The following TMEM244 variants were observed in gnomAD, a reference collection of about 807,000 sequenced individuals.
TMEM244 encodes transmembrane protein 244, also known as putative transmembrane protein 244.
TMEM244 carries 13 observed loss-of-function variants against 15.8 expected under a neutral mutation model. The ratio of observed to expected loss-of-function variants is 0.82; its 90% CI spans 0.53 to 1.30. TMEM244 has a LOEUF of 1.30. Ranked by LOEUF, TMEM244 falls within the 50% of genes most tolerant of loss-of-function variation. The pLI is 0.00. For synonymous variants in TMEM244, 45 were observed against 48.7 expected (o/e 0.92, Z 0.32); for missense variants, 161 against 144.9 (o/e 1.11, Z -0.57).
At chr6:129,838,636 A>T (rs1390691148) in intron 3 of TMEM244, among the ~76,000 whole-genome samples, 1 of 152,206 alleles carries the variant, frequency 6.6e-6, no homozygotes, top group Non-Finnish European at 1.5e-5. Context: ...AAATCAGTGA[A>T]TCCAGGAGCT....
intron 1 of TMEM244, among the ~76,000 whole-genome samples, chr6:129,851,002 T>G (rs538027106): frequency 6.6e-6 from 1 of 152,280 alleles, no homozygotes; most frequent in East Asian, 1.9e-4. Flanking sequence ...TGACCATCAC[T>G]GTACTCATAT....
At chr6:129,831,993 T>C (rs971611647) in intron 4 of TMEM244, among the ~76,000 whole-genome samples, 2 of 152,032 alleles carry the variant, frequency 1.3e-5, no homozygotes, top group East Asian at 3.9e-4. Flanking sequence ...TGGAAACTGA[T>C]ACTAGGTGAT....
chr6:129,861,043 C>T lies in TMEM244; in HGVS notation c.33+113G>A, dbSNP rs1776801310. The T allele has an allele frequency of 1.0e-5, 12 of 1,192,714 alleles. No individual in the cohort carries two copies. In the East Asian group the frequency reaches 2.8e-4, roughly 28 times the overall value. 73.9% of individuals were successfully genotyped at this position (1,192,714 alleles called of 1,614,324 possible). ...AGAATGTTTTCTGTATGGTACCCAGCCAAAAGTGAAACAAGTTGCCCACTG... is the reference window on the plus strand; with the variant it reads ...AGAATGTTTTCTGTATGGTACCCAGTCAAAAGTGAAACAAGTTGCCCACTG... On this transcript the variant is annotated intron_variant, in intron 1 of 4. Coordinates refer to ENST00000368143, the MANE Select transcript of TMEM244 (RefSeq NM_001010876.2).
chr6:129,851,562 G>A (rs1415354570), intron 1 of TMEM244, among the ~76,000 whole-genome samples: 3 of 152,138 alleles, frequency 2.0e-5, no homozygotes, highest in Non-Finnish European at 2.9e-5. Context: ...GAGTCACTGC[G>A]CCTGGCCTGA....
At chr6:129,860,967 G>T (rs1039997384) in intron 1 of TMEM244, among the ~76,000 whole-genome samples, 189 bp downstream of exon 1, 9 of 152,122 alleles carry the variant, frequency 5.9e-5, no homozygotes. Context: ...CCTTTCTTGG[G>T]CATGGGTGCC....
At chr6:129,835,862 G>GC (rs34040220) in intron 3 of TMEM244, among the ~76,000 whole-genome samples, 56,072 of 152,010 alleles carry the variant, frequency 0.37, 10,790 homozygotes, top group South Asian at 0.5. Flanking sequence ...ATGGGCGTCT[G>GC]CATTGCTGAG....
At chr6:129,857,598 G>T (rs1776732213) in intron 1 of TMEM244, among the ~76,000 whole-genome samples, 1 of 152,008 alleles carries the variant, frequency 6.6e-6, no homozygotes, top group Non-Finnish European at 1.5e-5. Flanking sequence ...GACCTCAGGT[G>T]ATCCACCCGC....
intron 3 of TMEM244, among the ~76,000 whole-genome samples, chr6:129,840,519 G>C (rs961193389): frequency 1.3e-5 from 2 of 152,136 alleles, no homozygotes; most frequent in African/African-American, 4.8e-5. Flanking sequence ...ATAGTCATGG[G>C]CAAAGACTTC....
chr6:129,852,259 A>G (rs1411528535), intron 1 of TMEM244, among the ~76,000 whole-genome samples: 2 of 152,112 alleles, frequency 1.3e-5, no homozygotes, highest in Non-Finnish European at 2.9e-5. Flanking sequence ...TCAACCGGTG[A>G]GCATCTTCAC....
At chr6:129,861,133 G>A (rs1213854849) in intron 1 of TMEM244, 23 bp downstream of exon 1, 4 of 1,613,366 alleles carry the variant, frequency 2.5e-6, no homozygotes, top group African/African-American at 1.3e-5. Flanking sequence ...GAAAGGCAAT[G>A]CAAAGAAGTA....
At position 129,831,866 on chromosome 6, in the gene TMEM244, G is replaced by A. The variant is rs116074142; in HGVS notation, c.320-480C>T. 2.1e-3 allele frequency among the ~76,000 whole-genome samples: 324 copies of A among 152,254 alleles called. 1 individual carries two copies. Among genetic ancestry groups the A allele is most frequent in the African/African-American group, 7.5e-3 (312 of 41,544 alleles). The stretch of plus-strand genomic sequence containing the variant: ...ACTCCAAGCCCTTTTGCAAATATCA[G>A]TGGCTGTCTTGCAGAAAAAATTAAG... On this transcript the variant is annotated intron_variant, in intron 4 of 4. Transcript: ENST00000368143.
At chr6:129,851,541 A>G (rs1042933267) in intron 1 of TMEM244, among the ~76,000 whole-genome samples, 26 of 152,158 alleles carry the variant, frequency 1.7e-4, no homozygotes, top group Non-Finnish European at 5.9e-5. Flanking sequence ...AAGTGCTGGG[A>G]TTACAGTCAT....
intron 1 of TMEM244, among the ~76,000 whole-genome samples, chr6:129,849,998 T>G (rs1383281316): frequency 6.6e-6 from 1 of 152,202 alleles, no homozygotes; most frequent in Non-Finnish European, 1.5e-5. Context: ...CCTCATTTAA[T>G]CCTTATAAAA....
At chr6:129,837,718 G>T (rs890558079) in intron 3 of TMEM244, among the ~76,000 whole-genome samples, 2 of 152,114 alleles carry the variant, frequency 1.3e-5, no homozygotes, top group Admixed American at 6.6e-5. Flanking sequence ...CAAAATAAAG[G>T]GATGGAGGAA....
chr6:129,859,557 A>G (rs1274035070), intron 1 of TMEM244, among the ~76,000 whole-genome samples: 3 of 152,256 alleles, frequency 2.0e-5, no homozygotes, highest in Non-Finnish European at 4.4e-5. Flanking sequence ...GAAAGTTTAC[A>G]TTAGTTTAAC....
At chr6:129,838,371 T>G (rs1776438053) in intron 3 of TMEM244, among the ~76,000 whole-genome samples, 1 of 152,194 alleles carries the variant, frequency 6.6e-6, no homozygotes, top group Non-Finnish European at 1.5e-5. Context: ...GAAATAAAGA[T>G]GTTCTTTGAA....
In TMEM244 at chr6:129,845,802, G is replaced by A. The variant is rs1776553723; in HGVS notation, c.84C>T (p.Tyr28=). Residue 28 remains tyrosine, a synonymous_variant, in exon 2 of 5, where the codon TAC becomes TAT. Coordinates refer to ENST00000368143, the MANE Select transcript of TMEM244 (RefSeq NM_001010876.2). ...LLCVILFYTV[Y]YVSLSMGCVM... ...CGCAGCCCATGCTCAGGGACACATA[G>A]TACACAGTGTAGAAAAGAATGACAC... The A allele has an allele frequency of 6.2e-7, 1 of 1,613,318 alleles. No homozygotes were observed. The highest frequency in any genetic ancestry group is 8.5e-7 in the Non-Finnish European group (1 of 1,179,744).
intron 2 of TMEM244, 96 bp downstream of exon 2, chr6:129,845,671 C>A (rs543482640): frequency 2.1e-6 from 2 of 937,384 alleles, no homozygotes; most frequent in Non-Finnish European, 3.4e-6. Context: ...AATCCACATC[C>A]TCTAATCCAT....
At chr6:129,839,086 G>A (rs1199998100) in intron 3 of TMEM244, among the ~76,000 whole-genome samples, 3 of 152,158 alleles carry the variant, frequency 2.0e-5, no homozygotes, top group Non-Finnish European at 2.9e-5. Flanking sequence ...CATGAGGCTA[G>A]CATCATCCTG....
Sources: allele counts gnomAD v4.1 joint callset (sites outside exome capture counted in the v4.1 genomes callset), GRCh38; gene constraint gnomAD v4.1.1; transcripts MANE v1.5; gene names NCBI Gene and HGNC (gene_info 2026-07-23, HGNC 2026-07-21).